Variants in MNT observed in about 807,000 individuals in gnomAD.
MNT encodes max-binding protein MNT.
Under a neutral mutation model 40.7 loss-of-function variants are expected in MNT, and 13 were observed. That is an observed-to-expected ratio of 0.32 (90% CI 0.21 to 0.51). The LOEUF is 0.51. MNT is among the 20% of genes least tolerant of loss of function. The pLI, the probability that MNT is intolerant of heterozygous loss-of-function variation, is 0.98. For synonymous variants in MNT, 426 were observed against 354.8 expected, an observed-to-expected ratio of 1.20 and a Z score of -2.26; for missense variants, 757 against 792.0, an observed-to-expected ratio of 0.96 and a Z score of 0.53.
chr17:2,394,090 T>G lies in MNT; in HGVS notation c.760A>C (p.Lys254Gln). 1 of 1,608,768 alleles carries G rather than the reference T, an allele frequency of 6.2e-7. No homozygotes were observed. The highest frequency in any genetic ancestry group is 8.5e-7 in the Non-Finnish European group (1 of 1,177,778). The change falls in exon 4 of 6, where the codon AAG becomes CAG. Residue 254 changes from lysine (K) to glutamine (Q), a missense_variant. Physicochemically the swap from Lys to Gln is moderately conservative, Grantham distance 53. Around this residue, in one of 4 missense-constraint regions of MNT, gnomAD observed 73 missense variants for 100.8 expected, o/e 0.72. Transcript: ENST00000174618. ...CGCAGCACGCTCAGATTGGACGTCT[T>G]CTTGTCATCCACGTTGGGGATGTTC... Reference protein sequence around the residue: ...KRNIPNVDDKKTSNLSVLRTA... With the variant: ...KRNIPNVDDKQTSNLSVLRTA...
chr17:2,393,773 C>G (rs948662142), intron 4 of MNT: 1 of 181,462 alleles, frequency 5.5e-6, no homozygotes, highest in Non-Finnish European at 1.1e-5. Context: ...GGCGTCACGG[C>G]GCGCGCCTCA....
intron 5 of MNT, 34 bp downstream of exon 5, chr17:2,387,823 G>T (rs759332008): frequency 1.3e-6 from 2 of 1,573,060 alleles, no homozygotes; most frequent in Non-Finnish European, 1.7e-6. Context: ...TAACATCTGA[G>T]GGCTGGGGGG....
intron 1 of MNT, chr17:2,396,804 T>C (rs903999290): frequency 6.6e-6 from 1 of 152,198 alleles, no homozygotes; most frequent in Non-Finnish European, 1.5e-5. Context: ...CCCGCCCCGC[T>C]CCGCTGACGA....
At chr17:2,397,425 T>C (rs916838661) in intron 1 of MNT, among the ~76,000 whole-genome samples, 11 of 152,044 alleles carry the variant, frequency 7.2e-5, no homozygotes, top group Non-Finnish European at 1.5e-4. Flanking sequence ...CAGACCTAAC[T>C]TTTCATTGGC....
chr17:2,388,396 G>A (rs1424013929), intron 4 of MNT: 6 of 260,278 alleles, frequency 2.3e-5, no homozygotes, highest in East Asian at 8.7e-5. Context: ...CTTCTGCCGC[G>A]AGCTACCCTC....
In MNT at chr17:2,385,685, G is replaced by A. The variant is rs2151662331; in HGVS notation, c.*1216C>T. ...AAAGCGTCCCCGGGAGAAGCAGGGTGTTGAGGGGATGGGAGGACAGAGGCA... is the reference window on the plus strand; with the variant it reads ...AAAGCGTCCCCGGGAGAAGCAGGGTATTGAGGGGATGGGAGGACAGAGGCA... On this transcript the variant is annotated 3_prime_UTR_variant, in exon 6 of 6. Transcript: ENST00000174618. 6.6e-6 allele frequency: 1 copy of A among 152,600 alleles called. No individual in the cohort carries two copies. The highest frequency in any genetic ancestry group is 1.9e-4 in the East Asian group (1 of 5,190). The allele number at this position is 152,600 out of a possible 1,614,324, so 9.5% of individuals were successfully genotyped here.
At chr17:2,390,434 G>A (rs756251835) in intron 4 of MNT, 1 of 152,324 alleles carries the variant, frequency 6.6e-6, no homozygotes, top group Non-Finnish European at 1.5e-5. Context: ...CTCTGATCCT[G>A]TCACATCAGT....
chr17:2,395,278 C>T lies in MNT; in HGVS notation c.250G>A (p.Ala84Thr), dbSNP rs754066762. The change falls in exon 2 of 6, where the codon GCC (alanine) becomes ACC (threonine). Residue 84 changes from alanine (A) to threonine (T), a missense_variant. This residue lies in a region of MNT where 335 missense variants were observed against 291.4 expected (regional missense o/e 1.15). Transcript: ENST00000174618. ...GGGATAGGGATGACAGTCAGTGGGG[C>T]AGGGGTGGCAAGTGGTGGTGGGGGT... The part of the protein sequence containing the change: ...PAPPPPLATP[A>T]PLTVIPIPVV... 4 of 1,531,974 alleles carry T rather than the reference C, an allele frequency of 2.6e-6. No individual in the cohort carries two copies. The highest frequency in any genetic ancestry group is 1.2e-5 in the South Asian group (1 of 84,822). 94.9% of individuals were successfully genotyped at this position (1,531,974 alleles called of 1,614,324 possible).
At position 2,394,161 on chromosome 17, in the gene MNT, A is replaced by G; in HGVS notation, c.696-7T>C. ...CTCTTTCAGATGGGCCCTCCTGAAG[A>G]GAGGGGCGAGCGCCGGTCAGCGGTG... On this transcript the variant is annotated splice_polypyrimidine_tract_variant and splice_region_variant and intron_variant, in intron 3 of 5. Coordinates refer to ENST00000174618, the MANE Select transcript of MNT (RefSeq NM_020310.3). 1 of 1,589,600 alleles carries G rather than the reference A, an allele frequency of 6.3e-7. No individual in the cohort carries two copies.
rs1048887785 is a variant in MNT at position 2,394,015 on chromosome 17, G to C, written c.807+28C>G. On this transcript the variant is annotated intron_variant, in intron 4 of 5. Transcript: ENST00000174618. Reference sequence around the variant, plus strand: ...CGGCGGAGGGAGGGCGGGGGAAGCTGCGCGACGCCGGCCTCCGGGCCCCAT... The same window carrying C: ...CGGCGGAGGGAGGGCGGGGGAAGCTCCGCGACGCCGGCCTCCGGGCCCCAT... 5 of 1,515,202 alleles carry C rather than the reference G, an allele frequency of 3.3e-6. No homozygotes were observed. The African/African-American group carries it at 7.2e-5, about 22-fold the overall frequency. The allele number at this position is 1,515,202 out of a possible 1,614,324, so 93.9% of individuals were successfully genotyped here.
rs376180999 is a variant in MNT, at chr17:2,394,064, C to G, written c.786G>C (p.Arg262=). Residue 262 remains arginine, a synonymous_variant, in exon 4 of 6, where the codon CGG becomes CGC. Transcript: ENST00000174618. ...DKKTSNLSVL[R]TALRYIQSLK... ...ATACCTGGATGTACCGCAGCGCCGT[C>G]CGCAGCACGCTCAGATTGGACGTCT... The G allele has an allele frequency of 5.6e-6, 9 of 1,605,606 alleles. No homozygotes were observed. Among genetic ancestry groups the G allele is most frequent in the Admixed American group, 3.4e-5 (2 of 59,506 alleles).
rs143799393 is a variant in MNT, at chr17:2,388,715, G to T, written c.808-666C>A. Among the ~76,000 whole-genome samples, 189 of 152,176 alleles carry T rather than the reference G, an allele frequency of 1.2e-3. 1 individual carries two copies. Among genetic ancestry groups the T allele is most frequent in the African/African-American group, 4.4e-3 (181 of 41,516 alleles). ...CTAGGAACGTGCCCCCTGTACTTGG[G>T]CTAAACCGATCCATGAGAAATGGCT... On this transcript the variant is annotated intron_variant, in intron 4 of 5. Coordinates refer to ENST00000174618, the MANE Select transcript of MNT (RefSeq NM_020310.3).
Position 2,395,028 on chromosome 17 carries a change from T to C in MNT, c.500A>G (p.Gln167Arg), listed in dbSNP as rs749732213. ...GGTCAGGACAGGCGTGGGGAGGGGC[T>C]GCAAAGGCTTGGGGCTGCCATTGGG... is the stretch of plus-strand genomic sequence containing the variant. ...IPPNGSPKPL[Q>R]PLPTPVLTIA... The change falls in exon 2 of 6, where the codon CAG (glutamine) becomes CGG (arginine). Residue 167 changes from glutamine (Q) to arginine (R), a missense_variant. Gln to Arg is a conservative substitution (Grantham distance 43). Coordinates refer to ENST00000174618, the MANE Select transcript of MNT (RefSeq NM_020310.3). 17 of 1,592,858 alleles carry C rather than the reference T, an allele frequency of 1.1e-5. No individual in the cohort carries two copies. The highest frequency in any genetic ancestry group is 1.3e-5 in the African/African-American group (1 of 74,394).
rs1447506850 is a variant in MNT, at chr17:2,400,721, G to A, written c.-9C>T. On this transcript the variant is annotated 5_prime_UTR_variant, in exon 1 of 6. Coordinates refer to ENST00000174618, the MANE Select transcript of MNT (RefSeq NM_020310.3). ...AGCGTCTCTATGCTCATCGCGCCGA[G>A]AGCTGCCGGGGGCGCGCCGGGGCCG... 1 of 1,550,556 alleles carries A rather than the reference G, an allele frequency of 6.4e-7. No individual in the cohort carries two copies. The highest frequency in any genetic ancestry group is 1.2e-5 in the South Asian group (1 of 83,900).
At chr17:2,395,629 C>G (rs916958775) in intron 1 of MNT, among the ~76,000 whole-genome samples, 175 bp from the exon 2 acceptor site, 3 of 152,146 alleles carry the variant, frequency 2.0e-5, no homozygotes, top group African/African-American at 7.2e-5. Context: ...GGGGGCACAG[C>G]AGTGAACAAA....
intron 1 of MNT, among the ~76,000 whole-genome samples, chr17:2,397,410 T>C (rs953560712): frequency 3.3e-5 from 5 of 152,150 alleles, no homozygotes; most frequent in African/African-American, 9.7e-5. Context: ...TTCCTTTGGC[T>C]GACACAGACC....
At chr17:2,394,777 A>G (rs938928938) in intron 2 of MNT, 98 bp downstream of exon 2, 1 of 797,502 alleles carries the variant, frequency 1.3e-6, no homozygotes, top group African/African-American at 1.7e-5. Flanking sequence ...TACAGGGGGC[A>G]CTTCTAAGCT....
intron 4 of MNT, among the ~76,000 whole-genome samples, chr17:2,393,310 C>T (rs1457493229): frequency 6.6e-6 from 1 of 152,132 alleles, no homozygotes; most frequent in Non-Finnish European, 1.5e-5. Flanking sequence ...GACGTGGCGG[C>T]GCCCCCGGCC....
rs1567864103 is a variant in MNT, at chr17:2,387,235, G to T, written c.1415C>A (p.Pro472His). Residue 472 changes from proline (P) to histidine (H), a missense_variant, in exon 6 of 6, where the codon CCC becomes CAC. Transcript: ENST00000174618. The stretch of plus-strand genomic sequence containing the variant: ...TTGCACCGCAGGGCTGGGGGCCGAG[G>T]GGGCGATGTGGGCGATGTGCTTGCC... ...PGGKHIAHIAPSAPSPAVQLA... is the reference protein window; with the variant it reads ...PGGKHIAHIAHSAPSPAVQLA... The T allele has an allele frequency of 1.2e-6, 2 of 1,612,276 alleles. No homozygotes were observed. The highest frequency in any genetic ancestry group is 3.3e-5 in the Admixed American group (2 of 59,794).
Sources: allele counts gnomAD v4.1 joint callset (sites outside exome capture counted in the v4.1 genomes callset), GRCh38; gene constraint gnomAD v4.1.1; regional missense constraint gnomAD v4.1.1; transcripts MANE v1.5; gene names NCBI Gene and HGNC (gene_info 2026-07-23, HGNC 2026-07-21).